Variants in CCSER1 observed in about 807,000 individuals in gnomAD.
CCSER1 encodes serine-rich coiled-coil domain-containing protein 1.
In CCSER1, 41 loss-of-function variants were observed where a neutral mutation model predicts 82.0. The ratio of observed to expected loss-of-function variants is 0.50; its 90% CI spans 0.39 to 0.65. The LOEUF is 0.65. Ranked by LOEUF, CCSER1 falls within the 30% of genes least tolerant of loss-of-function variation. The probability of loss-of-function intolerance (pLI) is 0.00; values close to 1 mark genes in which losing one functional copy is unlikely to be tolerated. For synonymous variants in CCSER1, 414 were observed against 383.9 expected, an observed-to-expected ratio of 1.08 and a Z score of -0.92; for missense variants, 1,119 against 1,064.2, an observed-to-expected ratio of 1.05 and a Z score of -0.72.
chr4:91,060,934 A>G (rs1038525209), intron 9 of CCSER1, among the ~76,000 whole-genome samples: 1 of 152,022 alleles, frequency 6.6e-6, no homozygotes, highest in Non-Finnish European at 1.5e-5. Flanking sequence ...GTTTAGTGAT[A>G]TTGTTGGTTT....
chr4:90,429,422 G>A (rs943748614), intron 4 of CCSER1, among the ~76,000 whole-genome samples: 2 of 151,754 alleles, frequency 1.3e-5, no homozygotes, highest in Non-Finnish European at 3.0e-5. Context: ...AGGAATTTCC[G>A]CATGTAATGT....
At chr4:91,496,651 A>G (rs1758854460) in intron 10 of CCSER1, among the ~76,000 whole-genome samples, 1 of 32,140 alleles carries the variant, frequency 3.1e-5, no homozygotes, top group Admixed American at 3.6e-4. Flanking sequence ...TATTCAATAT[A>G]TATTGAATAT....
intron 6 of CCSER1, among the ~76,000 whole-genome samples, chr4:90,709,247 T>A (rs2149316819): frequency 6.6e-6 from 1 of 152,240 alleles, no homozygotes; most frequent in African/African-American, 2.4e-5. Flanking sequence ...CATTAATGAT[T>A]ATATTATGTT....
At chr4:90,188,192 G>T (rs1350522761) in intron 1 of CCSER1, among the ~76,000 whole-genome samples, 1 of 151,704 alleles carries the variant, frequency 6.6e-6, no homozygotes, top group Non-Finnish European at 1.5e-5. Flanking sequence ...TCCTGCTTGG[G>T]TTATGAGGTA....
At chr4:91,188,743 T>G (rs1231452440) in intron 10 of CCSER1, among the ~76,000 whole-genome samples, 1 of 152,168 alleles carries the variant, frequency 6.6e-6, no homozygotes, top group African/African-American at 2.4e-5. Context: ...ACTACTTGTA[T>G]GCTTGATACT....
rs1311463753 is a variant in CCSER1 at position 91,448,975 on chromosome 4, GT to G, written c.2218-149594del. ...AGTGATGGGGTAGGGGGTAGGTATG[GT>G]TTACTGTTTTACATGGGGTGGTCAG... On this transcript the variant is annotated intron_variant, in intron 10 of 10. Transcript: ENST00000509176. 4.6e-5 allele frequency among the ~76,000 whole-genome samples: 7 copies of G among 152,146 alleles called. No individual in the cohort carries two copies. In the East Asian group the frequency reaches 1.4e-3, roughly 29 times the overall value.
chr4:91,339,931 A>C (rs1231037791), intron 10 of CCSER1, among the ~76,000 whole-genome samples: 1 of 152,114 alleles, frequency 6.6e-6, no homozygotes, highest in Non-Finnish European at 1.5e-5. Flanking sequence ...AGCCTGATCA[A>C]CATGGTGAAA....
chr4:91,245,720 G>T (rs1466717622), intron 10 of CCSER1, among the ~76,000 whole-genome samples: 2 of 152,110 alleles, frequency 1.3e-5, no homozygotes, highest in Non-Finnish European at 2.9e-5. Flanking sequence ...GTTTGAGATG[G>T]AGTTTCGCTC....
chr4:90,308,587 G>A lies in CCSER1; in HGVS notation c.303G>A (p.Gln101=). Residue 101 remains glutamine (Q), a synonymous_variant, in exon 2 of 11, where the codon CAG becomes CAA. Coordinates refer to ENST00000509176, the MANE Select transcript of CCSER1 (RefSeq NM_001145065.2). ...CTCAACCTGGTCACAGCAATATGCA[G>A]AAACTGAGTTTGGAAGAACATATTA... ...NGAQPGHSNM[Q]KLSLEEHIKT... 1 of 1,613,890 alleles carries A rather than the reference G, an allele frequency of 6.2e-7. No homozygotes were observed. The highest frequency in any genetic ancestry group is 8.5e-7 in the Non-Finnish European group (1 of 1,179,844).
chr4:90,635,035 A>C (rs964765591), intron 6 of CCSER1, among the ~76,000 whole-genome samples: 3 of 151,800 alleles, frequency 2.0e-5, no homozygotes, highest in Non-Finnish European at 4.4e-5. Context: ...GCAATCAAAC[A>C]TGTGGATGGC....
chr4:91,065,071 CA>C (rs141607850), intron 9 of CCSER1, among the ~76,000 whole-genome samples: 12 of 143,986 alleles, frequency 8.3e-5, no homozygotes, highest in Middle Eastern at 3.6e-3. Flanking sequence ...CAGTATACTA[CA>C]AAAAAAAAAG....
chr4:90,925,461 G>A (rs1175560404), intron 9 of CCSER1, among the ~76,000 whole-genome samples: 4 of 152,124 alleles, frequency 2.6e-5, no homozygotes, highest in Admixed American at 2.0e-4. Flanking sequence ...AATATAAAAT[G>A]TAAGACTTTT....
At chr4:90,440,201 T>C (rs1759663818) in intron 4 of CCSER1, among the ~76,000 whole-genome samples, 1 of 151,680 alleles carries the variant, frequency 6.6e-6, no homozygotes, top group African/African-American at 2.4e-5. Context: ...GACAGCATCT[T>C]GGTTAGTTGC....
intron 4 of CCSER1, among the ~76,000 whole-genome samples, chr4:90,412,910 C>A (rs1421363129): frequency 2.6e-5 from 4 of 152,016 alleles, no homozygotes; most frequent in Non-Finnish European, 5.9e-5. Flanking sequence ...TAGCCAGAGC[C>A]ATCAGACAAG....
intron 10 of CCSER1, among the ~76,000 whole-genome samples, chr4:91,483,608 G>GTATT (rs1758062335): frequency 6.6e-6 from 1 of 151,812 alleles, no homozygotes; most frequent in South Asian, 2.1e-4. Flanking sequence ...GCTAATTTTT[G>GTATT]TATTTTTAAT....
intron 10 of CCSER1, among the ~76,000 whole-genome samples, chr4:91,400,016 A>G (rs1325715332): frequency 1.3e-5 from 2 of 151,968 alleles, no homozygotes; most frequent in Non-Finnish European, 2.9e-5. Flanking sequence ...ATGTGACTTG[A>G]GCACAACAAA....
chr4:90,689,836 C>A (rs1422267994), intron 6 of CCSER1, among the ~76,000 whole-genome samples: 2 of 152,066 alleles, frequency 1.3e-5, no homozygotes, highest in Non-Finnish European at 2.9e-5. Context: ...TGTCCTGACC[C>A]TAGACAAAGA....
chr4:90,557,440 C>T (rs1778271281), intron 5 of CCSER1, among the ~76,000 whole-genome samples: 1 of 152,028 alleles, frequency 6.6e-6, no homozygotes, highest in Non-Finnish European at 1.5e-5. Context: ...AAATTGGCCT[C>T]ATTCATCTTT....
intron 5 of CCSER1, among the ~76,000 whole-genome samples, chr4:90,524,094 A>T (rs1339831296): frequency 1.3e-5 from 2 of 152,204 alleles, no homozygotes; most frequent in East Asian, 1.9e-4. Flanking sequence ...GGGGAAGAAC[A>T]TTCCAGGCTG....
Sources: gnomAD v4.1 joint callset for allele counts (sites outside exome capture counted in the v4.1 genomes callset) on GRCh38, gnomAD v4.1.1 for gene constraint, MANE v1.5 for transcripts, NCBI Gene and HGNC (gene_info 2026-07-23, HGNC 2026-07-21) for gene names.